The following SYT17 variants were observed in gnomAD, a reference collection of about 807,000 sequenced individuals.
The protein encoded by SYT17 is synaptotagmin 17, also known as synaptotagmin-17.
In SYT17, 22 loss-of-function variants were observed where a neutral mutation model predicts 46.7. The observed-to-expected ratio is 0.47, with a 90% CI of 0.34 to 0.67. The LOEUF (loss-of-function observed/expected upper bound fraction) is 0.67. Ranked by LOEUF, SYT17 falls within the 30% of genes least tolerant of loss-of-function variation. SYT17 has a pLI of 0.01. For synonymous variants in SYT17, 251 were observed against 248.4 expected, an observed-to-expected ratio of 1.01 and a Z score of -0.10; for missense variants, 519 against 612.8, an observed-to-expected ratio of 0.85 and a Z score of 1.62.
chr16:19,169,060 G>C (rs1006905137), intron 1 of SYT17, among the ~76,000 whole-genome samples: 2 of 152,006 alleles, frequency 1.3e-5, no homozygotes, highest in Non-Finnish European at 2.9e-5. Flanking sequence ...TGACGGCTCC[G>C]GCTAATTGGC....
In SYT17 at chr16:19,267,114, A is replaced by AAAAG; in HGVS notation, c.*41_*42insGAAA. 2.0e-6 allele frequency: 3 copies of AAAAG among 1,500,622 alleles called. No homozygotes were observed. Among genetic ancestry groups the AAAAG allele is most frequent in the Non-Finnish European group, 2.7e-6 (3 of 1,129,616 alleles). 93.0% of individuals were successfully genotyped at this position (1,500,622 alleles called of 1,614,324 possible). On this transcript the variant is annotated 3_prime_UTR_variant, in exon 8 of 8. Transcript: ENST00000355377. ...AGGCAGCTTTCATTTGTTTAAAAAA[A>AAAAG]AAAAAAAAAGACGGAAAAAAATGTG... is the stretch of plus-strand genomic sequence containing the variant.
chr16:19,223,277 G>A (rs562787296), intron 6 of SYT17, 112 bp downstream of exon 6: 310 of 1,358,586 alleles, frequency 2.3e-4, no homozygotes, highest in Non-Finnish European at 2.9e-4. Flanking sequence ...ATCTCAGGAT[G>A]AGGCAGGTAA....
chr16:19,232,884 C>T (rs775092493), intron 7 of SYT17, among the ~76,000 whole-genome samples: 1 of 151,794 alleles, frequency 6.6e-6, no homozygotes, highest in Non-Finnish European at 1.5e-5. Flanking sequence ...GCACTGGTCC[C>T]TACCCCTGCA....
chr16:19,223,244 C>T (rs1966388106), intron 6 of SYT17, 79 bp downstream of exon 6: 7 of 1,550,094 alleles, frequency 4.5e-6, no homozygotes, highest in Admixed American at 1.8e-5. Context: ...TTTCTTTTTC[C>T]GTATCCTGGA....
chr16:19,238,602 C>T (rs544824143), intron 7 of SYT17, among the ~76,000 whole-genome samples: 1 of 152,212 alleles, frequency 6.6e-6, no homozygotes, highest in Admixed American at 6.5e-5. Context: ...TGCCAGGGCT[C>T]CTGAGGGTTT....
intron 5 of SYT17, among the ~76,000 whole-genome samples, chr16:19,198,662 T>C (rs914135089): frequency 7.9e-5 from 12 of 152,346 alleles, no homozygotes; most frequent in African/African-American, 2.9e-4. Context: ...GGAGGCTGTG[T>C]TAACTGTTGC....
chr16:19,251,559 G>T (rs1032674611), intron 7 of SYT17, among the ~76,000 whole-genome samples: 1 of 152,176 alleles, frequency 6.6e-6, no homozygotes, highest in Non-Finnish European at 1.5e-5. Flanking sequence ...TAGCGCAAGC[G>T]TGAGCAGGCA....
At chr16:19,223,962 G>A (rs1304332089) in intron 6 of SYT17, among the ~76,000 whole-genome samples, 2 of 152,192 alleles carry the variant, frequency 1.3e-5, no homozygotes, top group Admixed American at 6.5e-5. Context: ...TGGCTTTAGG[G>A]AAGTTACTTA....
intron 4 of SYT17, among the ~76,000 whole-genome samples, chr16:19,182,254 A>G (rs1376590106): frequency 6.6e-6 from 1 of 152,082 alleles, no homozygotes; most frequent in African/African-American, 2.4e-5. Flanking sequence ...ATCTCTATTA[A>G]AAATGCAAAA....
intron 7 of SYT17, among the ~76,000 whole-genome samples, chr16:19,263,768 A>G (rs1224284322): frequency 6.6e-6 from 1 of 152,234 alleles, no homozygotes; most frequent in African/African-American, 2.4e-5. Context: ...CAGATAAGCA[A>G]AACATGGCAT....
chr16:19,190,120 T>A (rs1374875786), intron 5 of SYT17, among the ~76,000 whole-genome samples: 4 of 152,240 alleles, frequency 2.6e-5, no homozygotes, highest in African/African-American at 4.8e-5. Context: ...ATTCTGCTCA[T>A]TGGAATGGAT....
chr16:19,205,888 CT>C (rs1344695118), intron 5 of SYT17, among the ~76,000 whole-genome samples: 1 of 152,140 alleles, frequency 6.6e-6, no homozygotes, highest in Non-Finnish European at 1.5e-5. Flanking sequence ...TATTAATTTC[CT>C]TATTATGTTT....
chr16:19,172,684 A>G (rs1964146100), intron 1 of SYT17, 76 bp from the exon 2 acceptor site: 1 of 1,594,960 alleles, frequency 6.3e-7, no homozygotes, highest in Admixed American at 1.8e-5. Context: ...ATATTGCTAA[A>G]CTGGTCTTGT....
intron 7 of SYT17, among the ~76,000 whole-genome samples, chr16:19,245,779 G>C (rs1350373612): frequency 1.3e-5 from 2 of 152,224 alleles, no homozygotes; most frequent in Non-Finnish European, 2.9e-5. Context: ...GCTCAGCCCA[G>C]CTTGAGAGGG....
intron 5 of SYT17, among the ~76,000 whole-genome samples, chr16:19,197,939 C>T (rs1412553794): frequency 1.3e-5 from 2 of 152,186 alleles, no homozygotes; most frequent in East Asian, 1.9e-4. Flanking sequence ...GAGGCGATCT[C>T]ATGATAGCTA....
chr16:19,215,260 G>T (rs911434853), intron 5 of SYT17, among the ~76,000 whole-genome samples: 1 of 152,060 alleles, frequency 6.6e-6, no homozygotes, highest in African/African-American at 2.4e-5. Flanking sequence ...CTCCTAAGTG[G>T]CCAAGAGCAC....
intron 5 of SYT17, among the ~76,000 whole-genome samples, 166 bp from the exon 6 acceptor site, chr16:19,222,879 A>G (rs756999198): frequency 3.9e-5 from 6 of 152,152 alleles, no homozygotes; most frequent in Non-Finnish European, 7.3e-5. Flanking sequence ...ATGGACCACA[A>G]TAATTAGAGG....
chr16:19,193,785 G>A (rs1171012924), intron 5 of SYT17, among the ~76,000 whole-genome samples: 1 of 152,182 alleles, frequency 6.6e-6, no homozygotes, highest in Non-Finnish European at 1.5e-5. Context: ...GGGTGAGGGA[G>A]CTGGGGTATT....
intron 7 of SYT17, among the ~76,000 whole-genome samples, chr16:19,244,952 GCTTT>G (rs1318005567): frequency 6.6e-6 from 1 of 152,206 alleles, no homozygotes; most frequent in African/African-American, 2.4e-5. Flanking sequence ...GAGTGAACAG[GCTTT>G]GGTGACCACA....
Sources: gnomAD v4.1 joint callset for allele counts (sites outside exome capture counted in the v4.1 genomes callset) on GRCh38, gnomAD v4.1.1 for gene constraint, MANE v1.5 for transcripts, NCBI Gene and HGNC (gene_info 2026-07-23, HGNC 2026-07-21) for gene names.